DCC: variants seen among roughly 807,000 people sequenced by gnomAD.
The protein encoded by DCC is netrin receptor DCC.
In DCC, 58 loss-of-function variants were observed where a neutral mutation model predicts 172.5. The ratio of observed to expected loss-of-function variants is 0.34; its 90% confidence interval spans 0.27 to 0.42. The LOEUF (loss-of-function observed/expected upper bound fraction) is 0.42. Ranked by LOEUF, DCC falls within the 10% of genes least tolerant of loss-of-function variation. DCC has a pLI of 1.00. For missense variants in DCC, 1,740 were observed against 1,791.0 expected (o/e 0.97, Z 0.51); for synonymous variants, 709 against 644.5 (o/e 1.10, Z -1.52).
chr18:53,299,903 C>T (rs1257275704), intron 12 of DCC, among the ~76,000 whole-genome samples: 1 of 152,138 alleles, frequency 6.6e-6, no homozygotes, highest in African/African-American at 2.4e-5. Context: ...TAGACCTTAA[C>T]TCACAGAGTC....
At chr18:52,742,197 A>G (rs7235566) in intron 1 of DCC, among the ~76,000 whole-genome samples, 86,242 of 151,916 alleles carry the variant, frequency 0.57, 24,666 homozygotes, top group East Asian at 0.79. Context: ...CACCCAATCT[A>G]TGGTATTTTG....
intron 17 of DCC, among the ~76,000 whole-genome samples, chr18:53,394,034 T>A (rs1413902838): frequency 6.6e-6 from 1 of 151,904 alleles, no homozygotes; most frequent in Non-Finnish European, 1.5e-5. Flanking sequence ...ACTCTTTGAG[T>A]TTTCACTTTG....
intron 1 of DCC, among the ~76,000 whole-genome samples, chr18:52,620,690 G>T (rs1568259808): frequency 6.6e-6 from 1 of 151,882 alleles, no homozygotes; most frequent in Non-Finnish European, 1.5e-5. Flanking sequence ...AGTTGTTCCT[G>T]GACCCTCTTT....
chr18:53,406,409 A>AAAGAAAG, intron 19 of DCC, among the ~76,000 whole-genome samples: 1 of 150,272 alleles, frequency 6.7e-6, no homozygotes, highest in Non-Finnish European at 1.5e-5. Flanking sequence ...AGGTTTAAAA[A>AAAGAAAG]AAAAAGAGAA....
intron 5 of DCC, among the ~76,000 whole-genome samples, chr18:53,048,569 A>G (rs200068365): frequency 3.2e-5 from 4 of 126,900 alleles, no homozygotes; most frequent in Non-Finnish European, 6.5e-5. Context: ...GTGTATATGT[A>G]TGTGTGTGTA....
chr18:52,577,222 C>T (rs913467682), intron 1 of DCC, among the ~76,000 whole-genome samples: 13 of 152,222 alleles, frequency 8.5e-5, no homozygotes, highest in Non-Finnish European at 1.6e-4. Context: ...CTTGCAGTCA[C>T]CTGCATTGTC....
intron 17 of DCC, among the ~76,000 whole-genome samples, chr18:53,393,225 C>G (rs577124160): frequency 2.0e-5 from 3 of 152,304 alleles, no homozygotes; most frequent in Admixed American, 2.0e-4. Context: ...GCTTCTCTCT[C>G]CCCATAGCCA....
chr18:53,200,700 T>A (rs2055523878), intron 9 of DCC, among the ~76,000 whole-genome samples: 1 of 152,126 alleles, frequency 6.6e-6, no homozygotes, highest in South Asian at 2.1e-4. Flanking sequence ...GAAGTGTGTG[T>A]GTGGTTGTCA....
chr18:53,335,121 T>G (rs2057577297), intron 14 of DCC, among the ~76,000 whole-genome samples: 2 of 152,188 alleles, frequency 1.3e-5, no homozygotes, highest in South Asian at 4.1e-4. Context: ...GATGATCCTC[T>G]TTGGTTTCTC....
chr18:52,660,296 A>G (rs1202381925), intron 1 of DCC, among the ~76,000 whole-genome samples: 1 of 152,132 alleles, frequency 6.6e-6, no homozygotes, highest in East Asian at 1.9e-4. Flanking sequence ...TTTGTGTGCA[A>G]AGTTCCTCCA....
intron 1 of DCC, among the ~76,000 whole-genome samples, chr18:52,497,187 G>C (rs1437452397): frequency 6.7e-6 from 1 of 148,212 alleles, no homozygotes; most frequent in Non-Finnish European, 1.5e-5. Context: ...CTTGAGCCCA[G>C]GAATTTGAGG....
chr18:52,698,801 C>T (rs1448433387), intron 1 of DCC, among the ~76,000 whole-genome samples: 6 of 136,924 alleles, frequency 4.4e-5, no homozygotes, highest in Admixed American at 8.1e-5. Flanking sequence ...AGTTGAGATG[C>T]GGTTTCACTA....
At chr18:52,728,096 T>G (rs1184941186) in intron 1 of DCC, among the ~76,000 whole-genome samples, 1 of 152,108 alleles carries the variant, frequency 6.6e-6, no homozygotes, top group Admixed American at 6.6e-5. Flanking sequence ...AGGGTGTTGG[T>G]GTGTATCCAT....
intron 1 of DCC, among the ~76,000 whole-genome samples, chr18:52,426,250 G>A (rs1274802852): frequency 1.3e-5 from 2 of 151,524 alleles, no homozygotes; most frequent in Non-Finnish European, 2.9e-5. Context: ...GAAGGTGGCT[G>A]ATTGTGCATG....
intron 1 of DCC, among the ~76,000 whole-genome samples, chr18:52,461,079 A>G (rs1988615028): frequency 6.6e-6 from 1 of 152,212 alleles, no homozygotes; most frequent in South Asian, 2.1e-4. Flanking sequence ...TAAAACACAA[A>G]CACATTGTAC....
intron 21 of DCC, among the ~76,000 whole-genome samples, chr18:53,426,158 A>G (rs1910925014): frequency 6.6e-6 from 1 of 150,920 alleles, no homozygotes; most frequent in Non-Finnish European, 1.5e-5. Context: ...CTTGTGAGAC[A>G]TCAAGAATGT....
chr18:52,913,455 A>G (rs1212106151), intron 3 of DCC, among the ~76,000 whole-genome samples: 1 of 152,056 alleles, frequency 6.6e-6, no homozygotes, highest in African/African-American at 2.4e-5. Flanking sequence ...AGTCATGTCT[A>G]TCATTCTAAA....
chr18:52,393,636 T>A (rs1241668791), intron 1 of DCC, among the ~76,000 whole-genome samples: 1 of 152,094 alleles, frequency 6.6e-6, no homozygotes, highest in African/African-American at 2.4e-5. Flanking sequence ...TCATAATATC[T>A]GGGACTAAAG....
chr18:53,168,412 G>A (rs778374053), intron 8 of DCC, among the ~76,000 whole-genome samples: 1 of 151,944 alleles, frequency 6.6e-6, no homozygotes, highest in Non-Finnish European at 1.5e-5. Context: ...CATGTCCTTT[G>A]CAGGGACATG....
Sources: allele counts gnomAD v4.1 joint callset (sites outside exome capture counted in the v4.1 genomes callset), GRCh38; gene constraint gnomAD v4.1.1; transcripts MANE v1.5; gene names NCBI Gene and HGNC (gene_info 2026-07-23, HGNC 2026-07-21).